The following KLHDC4 variants were observed in gnomAD, a reference collection of about 807,000 sequenced individuals.
The protein encoded by KLHDC4 is kelch domain containing 4.
KLHDC4 carries 90 observed loss-of-function variants against 62.4 expected under a neutral mutation model. The ratio of observed to expected loss-of-function variants is 1.44; its 90% CI spans 1.22 to 1.72. The LOEUF (loss-of-function observed/expected upper bound fraction) is 1.72. Ranked by LOEUF, KLHDC4 falls within the 40% of genes most tolerant of loss-of-function variation. The probability of loss-of-function intolerance (pLI) is 0.00; values close to 1 mark genes in which losing one functional copy is unlikely to be tolerated. For missense variants in KLHDC4, 1,025 were observed against 699.7 expected (o/e 1.47, Z -5.25); for synonymous variants, 386 against 284.4 (o/e 1.36, Z -3.59).
rs149211023 is a variant in KLHDC4 at position 87,732,385 on chromosome 16, C to T, written c.507-1741G>A. On this transcript the variant is annotated intron_variant, in intron 5 of 11. Coordinates refer to ENST00000270583, the MANE Select transcript of KLHDC4 (RefSeq NM_017566.4). ...TGCTGGGATTACAGGCATGAGCCAC[C>T]GCCTCTGGTCAGGTGTGTATATTTC... is the stretch of plus-strand genomic sequence containing the variant. 4.5e-3 allele frequency among the ~76,000 whole-genome samples: 682 copies of T among 152,218 alleles called. 6 individuals are homozygous for T. The highest frequency in any genetic ancestry group is 0.016 in the African/African-American group (659 of 41,538).
rs376043994 is a variant in KLHDC4 at position 87,711,277 on chromosome 16, G to A, written c.1002C>T (p.Phe334=). ...ACCAACGGTTCCTGGTGGCGTCGTA[G>A]AAGTACAGATCGTTGAAGAACTCGC... ...LSGEFFNDLY[F]YDATRNRWFE... is the part of the protein sequence containing the mutation. The change falls in exon 9 of 12, where the codon TTC becomes TTT. Residue 334 remains phenylalanine, a synonymous_variant. Transcript: ENST00000270583. 1.9e-6 allele frequency: 3 copies of A among 1,614,036 alleles called. No individual in the cohort carries two copies. Among genetic ancestry groups the A allele is most frequent in the African/African-American group, 2.7e-5 (2 of 74,948 alleles).
chr16:87,718,513 GCACGCGCCGC>G lies in KLHDC4; in HGVS notation c.760-3950_760-3941del, dbSNP rs1488200684. ...GCCTGCTGAGTGCCTGGGATTGCAGGCACGCGCCGCCACGCCTGACTGGTTTTTGCTGGAG... is the reference window on the plus strand; with the variant it reads ...GCCTGCTGAGTGCCTGGGATTGCAGGCACGCCTGACTGGTTTTTGCTGGAG... On this transcript the variant is annotated intron_variant, in intron 7 of 11. Transcript: ENST00000270583. 4.9e-3 allele frequency among the ~76,000 whole-genome samples: 738 copies of G among 151,784 alleles called. 4 individuals carry two copies. The highest frequency in any genetic ancestry group is 0.017 in the African/African-American group (722 of 41,322).
chr16:87,710,926 C>T, intron 9 of KLHDC4: 1 of 352,340 alleles, frequency 2.8e-6, no homozygotes, highest in Non-Finnish European at 5.3e-6. Context: ...ACAGGCTGGT[C>T]CACACCAGGA....
chr16:87,765,715 C>G, intron 1 of KLHDC4, 77 bp downstream of exon 1: 1 of 1,408,950 alleles, frequency 7.1e-7, no homozygotes. Context: ...CGACCCGTAA[C>G]CCCGGGGGGC....
intron 7 of KLHDC4, among the ~76,000 whole-genome samples, chr16:87,717,639 G>C (rs1221731542): frequency 6.6e-6 from 1 of 152,032 alleles, no homozygotes; most frequent in Admixed American, 6.5e-5. Context: ...TTTTGTAACA[G>C]GTTGATAGAA....
intron 4 of KLHDC4, among the ~76,000 whole-genome samples, chr16:87,749,917 A>C (rs1249453310): frequency 2.6e-5 from 4 of 152,204 alleles, no homozygotes; most frequent in African/African-American, 9.6e-5. Flanking sequence ...ACTCAGCACC[A>C]CAGTAAAGGT....
chr16:87,723,561 G>A (rs2038824964), intron 7 of KLHDC4, among the ~76,000 whole-genome samples: 2 of 152,256 alleles, frequency 1.3e-5, no homozygotes, highest in South Asian at 4.1e-4. Flanking sequence ...CCTCCCACAT[G>A]CCAGAATATC....
At chr16:87,715,179 G>T (rs186312230) in intron 7 of KLHDC4, among the ~76,000 whole-genome samples, 100 of 152,324 alleles carry the variant, frequency 6.6e-4, no homozygotes, top group African/African-American at 2.3e-3. Flanking sequence ...TTGTGAGGGA[G>T]ATAGCCAGCA....
intron 2 of KLHDC4, among the ~76,000 whole-genome samples, chr16:87,760,376 G>A (rs1183926972): frequency 6.6e-6 from 1 of 151,676 alleles, no homozygotes; most frequent in Non-Finnish European, 1.5e-5. Flanking sequence ...GGGAGGCTGA[G>A]GCGGGCGGAT....
chr16:87,748,611 G>A, intron 5 of KLHDC4, 62 bp downstream of exon 5: 1 of 1,601,718 alleles, frequency 6.2e-7, no homozygotes, highest in Non-Finnish European at 8.5e-7. Context: ...CGAGCACTCG[G>A]GCTCAGCACA....
chr16:87,730,903 G>A (rs1421632432), intron 5 of KLHDC4: 18 of 343,836 alleles, frequency 5.2e-5, no homozygotes, highest in Non-Finnish European at 3.2e-5. Flanking sequence ...GATTTCCTAG[G>A]TAGAACATTA....
In KLHDC4 at chr16:87,711,412, C is replaced by T. The variant is rs201889787; in HGVS notation, c.867G>A (p.Ser289=). ...DKWVWTRMNP[S]GVKPTPRSGF... is the part of the protein sequence containing the mutation. The stretch of plus-strand genomic sequence containing the variant: ...CAGACCGTGGGGTGGGCTTGACCCC[C>T]GAAGGGTTCATCCGAGTCCAAACCC... The change falls in exon 9 of 12, where the codon TCG becomes TCA. Residue 289 remains serine, a synonymous_variant. Coordinates refer to ENST00000270583, the MANE Select transcript of KLHDC4 (RefSeq NM_017566.4). The T allele has an allele frequency of 1.2e-5, 19 of 1,612,848 alleles. No individual in the cohort carries two copies. The African/African-American group carries it at 1.3e-4, about 11-fold the overall frequency.
intron 5 of KLHDC4, among the ~76,000 whole-genome samples, chr16:87,732,147 G>T (rs1466269191): frequency 6.7e-6 from 1 of 149,890 alleles, no homozygotes; most frequent in Non-Finnish European, 1.5e-5. Context: ...CCAGGCCGGA[G>T]TGCAGTGGTG....
downstream of KLHDC4, among the ~76,000 whole-genome samples, chr16:87,706,481 G>C (rs12599985): frequency 0.029 from 4,396 of 151,936 alleles, 128 homozygotes; most frequent in East Asian, 0.14. Flanking sequence ...CAGCCCTCGA[G>C]GGGGGCGGCA....
At chr16:87,725,398 C>T (rs1044807991) in intron 7 of KLHDC4, among the ~76,000 whole-genome samples, 2 of 152,164 alleles carry the variant, frequency 1.3e-5, no homozygotes, top group Non-Finnish European at 2.9e-5. Context: ...ATCTCTTGAC[C>T]TCGTGAGCCG....
Position 87,748,744 on chromosome 16 carries a change from G to A in KLHDC4, c.435C>T (p.Asn145=), listed in dbSNP as rs889529909. 10 of 1,613,326 alleles carry A rather than the reference G, an allele frequency of 6.2e-6. No individual in the cohort carries two copies. Among genetic ancestry groups the A allele is most frequent in the African/African-American group, 2.7e-5 (2 of 74,750 alleles). ...WVFGGEFASP[N]GEQFYHYKDL... ...CCTTGTAGTGGTAGAACTGCTCTCC[G>A]TTGGGAGAGGCAAACTCCCCTCCAA... Residue 145 remains asparagine (N), a synonymous_variant, in exon 5 of 12, where the codon AAC becomes AAT. Coordinates refer to ENST00000270583, the MANE Select transcript of KLHDC4 (RefSeq NM_017566.4).
chr16:87,708,282 C>T (rs951359745), intron 11 of KLHDC4, 68 bp downstream of exon 11: 20 of 1,074,496 alleles, frequency 1.9e-5, no homozygotes, highest in Middle Eastern at 2.1e-4. Flanking sequence ...AATAAGCATC[C>T]GATAAACATG....
rs539576533 is a variant in KLHDC4 at position 87,753,747 on chromosome 16, G to A, written c.369+1447C>T. Among the ~76,000 whole-genome samples the A allele has an allele frequency of 4.0e-5, 6 of 151,574 alleles. No homozygotes were observed. In the East Asian group the frequency reaches 9.7e-4, roughly 24 times the overall value. ...ACTCAGGAAGCGGAGGTTGCAGTGAGCCAAGATCGCGCCACTGCACTCCAG... is the reference window on the plus strand; with the variant it reads ...ACTCAGGAAGCGGAGGTTGCAGTGAACCAAGATCGCGCCACTGCACTCCAG... On this transcript the variant is annotated intron_variant, in intron 4 of 11. Coordinates refer to ENST00000270583, the MANE Select transcript of KLHDC4 (RefSeq NM_017566.4).
At chr16:87,706,787 G>A (rs1326708136), downstream of KLHDC4, among the ~76,000 whole-genome samples, 12 of 152,188 alleles carry the variant, frequency 7.9e-5, no homozygotes, top group Admixed American at 7.2e-4. Context: ...GATCCTGAGA[G>A]GCGACACTTC....
Sources: allele counts gnomAD v4.1 joint callset (sites outside exome capture counted in the v4.1 genomes callset), GRCh38; gene constraint gnomAD v4.1.1; transcripts MANE v1.5; gene names NCBI Gene and HGNC (gene_info 2026-07-23, HGNC 2026-07-21).